Variants in DLGAP2 observed in about 807,000 individuals in gnomAD.
DLGAP2 encodes the protein disks large-associated protein 2.
Under a neutral mutation model 100.3 loss-of-function variants are expected in DLGAP2, and 26 were observed. The observed-to-expected ratio is 0.26, with a 90% CI of 0.19 to 0.36. The LOEUF is 0.36. DLGAP2 is among the 10% of genes least tolerant of loss of function. DLGAP2 has a pLI of 1.00. For missense variants in DLGAP2, 1,858 were observed against 1,453.2 expected, an observed-to-expected ratio of 1.28 and a Z score of -4.53; for synonymous variants, 886 against 630.1, an observed-to-expected ratio of 1.41 and a Z score of -6.08.
chr8:1,176,050 A>T (rs1416767210), intron 2 of DLGAP2, among the ~76,000 whole-genome samples: 3 of 152,198 alleles, frequency 2.0e-5, no homozygotes, highest in Admixed American at 6.5e-5. Context: ...CCATTCATAC[A>T]CTGCATAAAA....
chr8:1,573,424 G>C (rs914946906), intron 6 of DLGAP2, among the ~76,000 whole-genome samples: 1 of 150,344 alleles, frequency 6.7e-6, no homozygotes, highest in South Asian at 2.1e-4. Context: ...TGATGAGATG[G>C]AGAGGAGAGA....
chr8:744,625 G>A (rs984819384), intron 1 of DLGAP2, among the ~76,000 whole-genome samples: 4 of 147,804 alleles, frequency 2.7e-5, no homozygotes, highest in Non-Finnish European at 5.9e-5. Flanking sequence ...CGGCCACGTC[G>A]CCCTCCCGGG....
intron 3 of DLGAP2, among the ~76,000 whole-genome samples, chr8:1,441,211 G>A (rs1270852425): frequency 1.3e-5 from 2 of 152,144 alleles, no homozygotes; most frequent in Non-Finnish European, 2.9e-5. Context: ...TCATTAAAAT[G>A]CATCCTGAGT....
chr8:1,151,115 G>A (rs1454784992), intron 2 of DLGAP2, among the ~76,000 whole-genome samples: 5 of 152,036 alleles, frequency 3.3e-5, no homozygotes, highest in Non-Finnish European at 7.4e-5. Flanking sequence ...GATGATCATC[G>A]GTAGTGACTG....
intron 14 of DLGAP2, among the ~76,000 whole-genome samples, chr8:1,699,611 C>G (rs1799512020): frequency 6.6e-6 from 1 of 151,120 alleles, no homozygotes. Context: ...GAGACTCTGT[C>G]TCAAAAAAAA....
rs571792643 is a variant in DLGAP2 at position 1,243,615 on chromosome 8, C to A, written c.74-15236C>A. ...TTTCCTCACATTAATTTGTTTGGAC[C>A]CCTCTTCTTCCCTAAAGAGGATTCA... On this transcript the variant is annotated intron_variant, in intron 2 of 14. Transcript: ENST00000637795. 1.4e-4 allele frequency among the ~76,000 whole-genome samples: 21 copies of A among 152,126 alleles called. No individual in the cohort carries two copies. In the South Asian group the frequency reaches 3.9e-3, roughly 29 times the overall value.
intron 4 of DLGAP2, among the ~76,000 whole-genome samples, chr8:1,542,624 G>T (rs1008023163): frequency 6.6e-6 from 1 of 152,202 alleles, no homozygotes; most frequent in African/African-American, 2.4e-5. Flanking sequence ...CAGCCCCCAT[G>T]TTTGTCCATT....
chr8:1,377,329 A>G (rs932184113), intron 3 of DLGAP2, among the ~76,000 whole-genome samples: 2 of 152,176 alleles, frequency 1.3e-5, no homozygotes, highest in Non-Finnish European at 2.9e-5. Context: ...CGAATCACGA[A>G]GTCAGGAGAT....
intron 3 of DLGAP2, among the ~76,000 whole-genome samples, chr8:1,422,028 C>G (rs1375337278): frequency 6.6e-6 from 1 of 151,776 alleles, no homozygotes; most frequent in African/African-American, 2.4e-5. Context: ...ATCATAATAG[C>G]TGATATTTGC....
chr8:1,629,281 T>G (rs1012594257), intron 7 of DLGAP2, among the ~76,000 whole-genome samples: 3 of 152,216 alleles, frequency 2.0e-5, no homozygotes, highest in African/African-American at 7.2e-5. Context: ...GTTACTTCTT[T>G]CCTTCCAGAA....
At chr8:1,305,380 C>T (rs4141050) in intron 3 of DLGAP2, among the ~76,000 whole-genome samples, 46,002 of 151,968 alleles carry the variant, frequency 0.3, 7,265 homozygotes, top group African/African-American at 0.37. Flanking sequence ...TTAGATAATT[C>T]GTGTGTTTAT....
chr8:1,427,058 T>C (rs1455611968), intron 3 of DLGAP2, among the ~76,000 whole-genome samples: 2 of 152,184 alleles, frequency 1.3e-5, no homozygotes, highest in Non-Finnish European at 2.9e-5. Context: ...ATCTTTATTT[T>C]AATAAACTTT....
chr8:1,327,708 G>C (rs142275184), intron 3 of DLGAP2, among the ~76,000 whole-genome samples: 1 of 152,012 alleles, frequency 6.6e-6, no homozygotes, highest in African/African-American at 2.4e-5. Flanking sequence ...TCCGGGCGTC[G>C]TGGCGGGCGC....
At chr8:1,586,212 T>C (rs1270125366) in intron 6 of DLGAP2, among the ~76,000 whole-genome samples, 1 of 152,244 alleles carries the variant, frequency 6.6e-6, no homozygotes, top group East Asian at 1.9e-4. Context: ...GTGTCGGCCG[T>C]TGGCCCTTCT....
intron 2 of DLGAP2, among the ~76,000 whole-genome samples, chr8:1,144,075 C>G (rs62487481): frequency 1.3e-5 from 2 of 152,334 alleles, no homozygotes; most frequent in African/African-American, 4.8e-5. Flanking sequence ...CCATTGCATA[C>G]CTTTCCCCTG....
intron 1 of DLGAP2, among the ~76,000 whole-genome samples, chr8:899,882 C>T (rs980939592): frequency 6.6e-6 from 1 of 152,200 alleles, no homozygotes; most frequent in South Asian, 2.1e-4. Context: ...GTTATGTGAA[C>T]TGCAGAGGGT....
intron 2 of DLGAP2, among the ~76,000 whole-genome samples, chr8:1,199,227 T>G (rs1046088178): frequency 6.6e-6 from 1 of 152,224 alleles, no homozygotes; most frequent in Non-Finnish European, 1.5e-5. Context: ...TCACTCAGTG[T>G]GGATAATTGA....
At chr8:1,456,514 T>G (rs1014296973) in intron 3 of DLGAP2, among the ~76,000 whole-genome samples, 2 of 152,230 alleles carry the variant, frequency 1.3e-5, no homozygotes, top group Admixed American at 1.3e-4. Flanking sequence ...ATTGTGATAA[T>G]GTGGTCCCAG....
intron 2 of DLGAP2, among the ~76,000 whole-genome samples, chr8:1,234,034 T>C (rs987713530): frequency 1.3e-5 from 2 of 152,192 alleles, no homozygotes; most frequent in African/African-American, 4.8e-5. Context: ...AATGGCACTA[T>C]TGAAAGGCCC....
Sources: allele counts gnomAD v4.1 joint callset (sites outside exome capture counted in the v4.1 genomes callset), GRCh38; gene constraint gnomAD v4.1.1; transcripts MANE v1.5; gene names NCBI Gene and HGNC (gene_info 2026-07-23, HGNC 2026-07-21).